SGCD: variants seen among roughly 807,000 people sequenced by gnomAD.
SGCD encodes sarcoglycan delta, also known as delta-sarcoglycan.
Under a neutral mutation model 36.6 loss-of-function variants are expected in SGCD, and 18 were observed. That is an observed-to-expected ratio of 0.49 (90% CI 0.34 to 0.73). SGCD has a LOEUF of 0.73. SGCD is among the 30% of genes least tolerant of loss of function. The probability of loss-of-function intolerance (pLI) is 0.01; values close to 1 mark genes in which losing one functional copy is unlikely to be tolerated. For missense variants in SGCD, 387 were observed against 346.7 expected (o/e 1.12, Z -0.92); for synonymous variants, 133 against 130.6 (o/e 1.02, Z -0.12).
At chr5:156,115,379 G>A (rs1464823761) in intron 1 of SGCD, among the ~76,000 whole-genome samples, 2 of 151,894 alleles carry the variant, frequency 1.3e-5, no homozygotes, top group African/African-American at 4.8e-5. Context: ...AGGGGATAGG[G>A]TAGTGAAATC....
At chr5:156,039,829 G>T (rs1421565356) in intron 1 of SGCD, among the ~76,000 whole-genome samples, 1 of 152,104 alleles carries the variant, frequency 6.6e-6, no homozygotes, top group Non-Finnish European at 1.5e-5. Flanking sequence ...AAAAGCTTCA[G>T]TTGGCTCTTG....
chr5:156,573,505 G>C (rs1759804403), intron 4 of SGCD, among the ~76,000 whole-genome samples: 1 of 152,086 alleles, frequency 6.6e-6, no homozygotes, highest in South Asian at 2.1e-4. Context: ...TTCTCCCCAA[G>C]CCTAGTTCTC....
the SGCD span, among the ~76,000 whole-genome samples, chr5:155,753,728 C>T: frequency 1.3e-5 from 2 of 152,098 alleles, no homozygotes; most frequent in South Asian, 2.1e-4. Context: ...ATCAAGTTTC[C>T]CTTGTGAACT....
At chr5:156,371,530 G>T (rs1770384019) in intron 3 of SGCD, among the ~76,000 whole-genome samples, 3 of 152,328 alleles carry the variant, frequency 2.0e-5, no homozygotes, top group Admixed American at 2.0e-4. Flanking sequence ...GAGAGAAGGA[G>T]AGAAAGGACC....
At chr5:156,695,112 T>G (rs200986190) in intron 7 of SGCD, among the ~76,000 whole-genome samples, 10 of 129,030 alleles carry the variant, frequency 7.8e-5, no homozygotes, top group East Asian at 2.3e-4. Flanking sequence ...GGTACTGTGT[T>G]TGTGTGTGTG....
chr5:156,205,556 T>C (rs1465356711), intron 3 of SGCD, among the ~76,000 whole-genome samples: 3 of 152,080 alleles, frequency 2.0e-5, no homozygotes, highest in Non-Finnish European at 4.4e-5. Context: ...GGTAAATGGC[T>C]ATACATTTTA....
intron 3 of SGCD, among the ~76,000 whole-genome samples, chr5:156,374,050 C>T (rs1197702954): frequency 1.3e-5 from 2 of 151,060 alleles, no homozygotes; most frequent in African/African-American, 4.9e-5. Context: ...TTTATTTTTT[C>T]GTGATAAGCA....
At chr5:156,604,488 G>C (rs1353391879) in intron 6 of SGCD, among the ~76,000 whole-genome samples, 1 of 151,652 alleles carries the variant, frequency 6.6e-6, no homozygotes, top group Admixed American at 6.6e-5. Context: ...TCTCTTTCTT[G>C]TTTATGTATC....
the SGCD span, among the ~76,000 whole-genome samples, chr5:155,794,604 A>G: frequency 1.1e-4 from 17 of 152,096 alleles, no homozygotes; most frequent in African/African-American, 3.9e-4. Flanking sequence ...AAAAACCAGT[A>G]GACAGCTTAG....
chr5:156,106,109 C>CAAAAAAAAAA (rs1159337817), intron 1 of SGCD, among the ~76,000 whole-genome samples: 2 of 34,936 alleles, frequency 5.7e-5, no homozygotes, highest in African/African-American at 1.0e-4. Flanking sequence ...GACTCTGCCT[C>CAAAAAAAAAA]AAAAAAAAAA....
At chr5:156,392,743 AG>A (rs1370793847) in intron 3 of SGCD, among the ~76,000 whole-genome samples, 1 of 152,120 alleles carries the variant, frequency 6.6e-6, no homozygotes, top group East Asian at 1.9e-4. Context: ...GAAGGCAGAT[AG>A]TTTTCCCTTG....
the SGCD span, among the ~76,000 whole-genome samples, chr5:155,742,859 C>T: frequency 2.0e-5 from 3 of 152,170 alleles, no homozygotes; most frequent in Admixed American, 2.0e-4. Flanking sequence ...TTTCTATTAC[C>T]CTCTCCTCTG....
chr5:156,254,880 A>G (rs1310859228), intron 3 of SGCD, among the ~76,000 whole-genome samples: 1 of 152,006 alleles, frequency 6.6e-6, no homozygotes, highest in Non-Finnish European at 1.5e-5. Context: ...TTTTTTTTGT[A>G]AAAGAAATTT....
intron 4 of SGCD, among the ~76,000 whole-genome samples, chr5:156,584,174 G>A (rs1198805527): frequency 6.6e-6 from 1 of 152,130 alleles, no homozygotes; most frequent in Non-Finnish European, 1.5e-5. Flanking sequence ...CTTTCTCTCT[G>A]TCCCTTAAGT....
At chr5:156,073,864 A>C (rs1401013323) in intron 1 of SGCD, among the ~76,000 whole-genome samples, 1 of 152,210 alleles carries the variant, frequency 6.6e-6, no homozygotes, top group Non-Finnish European at 1.5e-5. Flanking sequence ...GAGTTGCTCA[A>C]GGGCTCTATG....
rs76601711 is a variant in SGCD at position 156,162,676 on chromosome 5, A to G, written c.-44+38657A>G. Among the ~76,000 whole-genome samples the G allele has an allele frequency of 7.3e-3, 1,109 of 151,636 alleles. 50 individuals are homozygous for G. Among genetic ancestry groups the G allele is most frequent in the African/African-American group, 0.026 (1,051 of 40,976 alleles). ...ACTATTTGAACCTCCTGTTCTCTCA[A>G]CTGATGCCTTCTCCCTGCTCAGAAG... On this transcript the variant is annotated intron_variant, in intron 3 of 9. Coordinates refer to the SGCD transcript ENST00000517913.
intron 3 of SGCD, among the ~76,000 whole-genome samples, chr5:156,204,735 A>G (rs1764233425): frequency 6.6e-6 from 1 of 152,112 alleles, no homozygotes; most frequent in African/African-American, 2.4e-5. Flanking sequence ...TGTAACTGGT[A>G]TTAAACAAAC....
intron 3 of SGCD, among the ~76,000 whole-genome samples, chr5:156,205,596 A>T (rs1764256030): frequency 6.6e-6 from 1 of 152,100 alleles, no homozygotes; most frequent in South Asian, 2.1e-4. Flanking sequence ...TGAGTTTTCC[A>T]GCCAATGTAC....
At chr5:155,734,153 G>A in the SGCD span, among the ~76,000 whole-genome samples, 12 of 145,162 alleles carry the variant, frequency 8.3e-5, no homozygotes, top group African/African-American at 3.0e-4. Context: ...AATTAATAAT[G>A]TTACTGTTAT....
Sources: gnomAD v4.1 joint callset for allele counts (sites outside exome capture counted in the v4.1 genomes callset) on GRCh38, gnomAD v4.1.1 for gene constraint, MANE v1.5 for transcripts, NCBI Gene and HGNC (gene_info 2026-07-23, HGNC 2026-07-21) for gene names.